Variants in ING5 observed in about 807,000 individuals in gnomAD.
ING5 encodes the protein inhibitor of growth family member 5, also known as inhibitor of growth protein 5.
Under a neutral mutation model 37.4 loss-of-function variants are expected in ING5, and 17 were observed. That is an observed-to-expected ratio of 0.45 (90% CI 0.31 to 0.68). The LOEUF (loss-of-function observed/expected upper bound fraction) is 0.68. ING5 is among the 30% of genes least tolerant of loss of function. The pLI, the probability that ING5 is intolerant of heterozygous loss-of-function variation, is 0.05. For synonymous variants in ING5, 123 were observed against 116.6 expected, an observed-to-expected ratio of 1.06 and a Z score of -0.36; for missense variants, 233 against 311.9, an observed-to-expected ratio of 0.75 and a Z score of 1.91.
intron 2 of ING5, among the ~76,000 whole-genome samples, chr2:241,692,968 A>G (rs2069576349): frequency 6.6e-6 from 1 of 152,074 alleles, no homozygotes; most frequent in Non-Finnish European, 1.5e-5. Flanking sequence ...TTTAACCTTA[A>G]TTAGCTCCTT....
At chr2:241,705,612 T>C (rs566564801) in intron 2 of ING5, among the ~76,000 whole-genome samples, 15 of 151,966 alleles carry the variant, frequency 9.9e-5, no homozygotes, top group African/African-American at 3.4e-4. Flanking sequence ...TTCACCATGT[T>C]AGCCAGGATG....
intron 5 of ING5, chr2:241,720,996 C>T: frequency 1.0e-6 from 1 of 985,790 alleles, no homozygotes; most frequent in Non-Finnish European, 1.2e-6. Context: ...CAAATCTGGC[C>T]AGCGCCCTCG....
Position 241,725,325 on chromosome 2 carries a change from C to T in ING5, c.*294C>T, listed in dbSNP as rs1354615030. 2 of 429,084 alleles carry T rather than the reference C, an allele frequency of 4.7e-6. No homozygotes were observed. Among genetic ancestry groups the T allele is most frequent in the Non-Finnish European group, 8.6e-6 (2 of 232,788 alleles). 26.6% of individuals were successfully genotyped at this position (429,084 alleles called of 1,614,324 possible). A position where few individuals can be genotyped will look rare whatever the true frequency, so the allele number is the denominator to read the frequency against. On this transcript the variant is annotated 3_prime_UTR_variant, in exon 8 of 8. Transcript: ENST00000313552. ...GCGCGCGTGAGCTCGGGCTGCCCGG[C>T]CGGGCGTGCGGGCGGGGACATGGTA...
chr2:241,688,343 T>C (rs919884601), intron 1 of ING5, among the ~76,000 whole-genome samples: 4 of 152,226 alleles, frequency 2.6e-5, no homozygotes, highest in Non-Finnish European at 1.5e-5. Flanking sequence ...ACCAAGAAAT[T>C]GCTGGTAGCT....
chr2:241,701,063 C>T (rs527554746), upstream of ING5, among the ~76,000 whole-genome samples: 1 of 151,642 alleles, frequency 6.6e-6, no homozygotes, highest in South Asian at 2.1e-4. Context: ...CCTCCGCCTC[C>T]CGGGCTCAGC....
intron 1 of ING5, among the ~76,000 whole-genome samples, chr2:241,689,119 AT>A (rs34312835): frequency 0.41 from 60,436 of 146,460 alleles, 12,280 homozygotes; most frequent in Middle Eastern, 0.52. Flanking sequence ...TTTTAATTTA[AT>A]TTTTTTTTTG....
intron 2 of ING5, among the ~76,000 whole-genome samples, chr2:241,694,470 A>G (rs961628649): frequency 2.0e-5 from 3 of 152,090 alleles, no homozygotes; most frequent in African/African-American, 7.2e-5. Context: ...TAAAAGATAT[A>G]AAGGAGAAAA....
chr2:241,690,732 C>T (rs2069538876), intron 2 of ING5: 3 of 397,568 alleles, frequency 7.5e-6, no homozygotes, highest in Non-Finnish European at 1.3e-5. Flanking sequence ...ATGGAGTTGG[C>T]CACAGGCTGA....
In ING5 at chr2:241,721,168, G is replaced by A. The variant is rs1001242264; in HGVS notation, c.483-1771G>A. The A allele has an allele frequency of 1.7e-5, 17 of 985,438 alleles. No homozygotes were observed. The South Asian group carries it at 3.3e-4, about 19-fold the overall frequency. 61.0% of individuals were successfully genotyped at this position (985,438 alleles called of 1,614,324 possible). A position where few individuals can be genotyped will look rare whatever the true frequency, so the allele number is the denominator to read the frequency against. ...GCTCTCCGCGGGTGAGAGGTGACTC[G>A]AGGAGACCGCAGGAGCCCCTTGGAG... is the stretch of plus-strand genomic sequence containing the variant. On this transcript the variant is annotated intron_variant, in intron 5 of 7. Coordinates refer to ENST00000313552, the MANE Select transcript of ING5 (RefSeq NM_032329.6).
chr2:241,725,909 C>A lies in ING5; in HGVS notation c.*878C>A, dbSNP rs986757552. ...CTGCCTGTGCTGTGCATTCCCAGGC[C>A]CGCAGCTCCCGGTCGAGGGGACTCC... On this transcript the variant is annotated 3_prime_UTR_variant, in exon 8 of 8. Transcript: ENST00000313552. 6.6e-6 allele frequency: 1 copy of A among 152,636 alleles called. No individual in the cohort carries two copies. The highest frequency in any genetic ancestry group is 2.1e-4 in the South Asian group (1 of 4,830). The allele number at this position is 152,636 out of a possible 1,614,324, so 9.5% of individuals were successfully genotyped here.
At chr2:241,701,721 G>A (rs2069730398), upstream of ING5, among the ~76,000 whole-genome samples, 1 of 152,158 alleles carries the variant, frequency 6.6e-6, no homozygotes, top group African/African-American at 2.4e-5. Flanking sequence ...CCACGTGTTT[G>A]CGTTTGGTGG....
chr2:241,687,555 T>C (rs1244642879), exon 1 of ING5: 7 of 381,438 alleles, frequency 1.8e-5, no homozygotes, highest in Middle Eastern at 6.6e-4. Flanking sequence ...TGAGACAGAG[T>C]CTCGCTCTGT....
intron 1 of ING5, among the ~76,000 whole-genome samples, chr2:241,704,303 C>T (rs1019196239): frequency 6.6e-6 from 1 of 152,190 alleles, no homozygotes; most frequent in African/African-American, 2.4e-5. Flanking sequence ...CCTGGTGGCT[C>T]ACACCTGTAA....
Position 241,729,063 on chromosome 2 carries a change from G to A in ING5, c.*4032G>A, listed in dbSNP as rs906358029. 1.3e-5 allele frequency: 2 copies of A among 152,308 alleles called. No homozygotes were observed. Among genetic ancestry groups the A allele is most frequent in the African/African-American group, 4.8e-5 (2 of 41,446 alleles). 9.4% of individuals were successfully genotyped at this position (152,308 alleles called of 1,614,324 possible). A position where few individuals can be genotyped will look rare whatever the true frequency, so the allele number is the denominator to read the frequency against. ...CCCTGTCCTAGGTTAGGTCTTCATG[G>A]TTTAGAGTAAAACCGTGAGGGATGT... is the stretch of plus-strand genomic sequence containing the variant. On this transcript the variant is annotated 3_prime_UTR_variant, in exon 8 of 8. Transcript: ENST00000313552.
intron 2 of ING5, among the ~76,000 whole-genome samples, chr2:241,692,006 C>T (rs1244077126): frequency 6.6e-6 from 1 of 152,092 alleles, no homozygotes; most frequent in Non-Finnish European, 1.5e-5. Flanking sequence ...CATGGTTGCG[C>T]CACTGCACTC....
At position 241,729,194 on chromosome 2, in the gene ING5, A is replaced by G. The variant is rs541298176; in HGVS notation, c.*4163A>G. 2.2e-4 allele frequency: 34 copies of G among 152,776 alleles called. No homozygotes were observed. Among genetic ancestry groups the G allele is most frequent in the African/African-American group, 7.5e-4 (31 of 41,572 alleles). 9.5% of individuals were successfully genotyped at this position (152,776 alleles called of 1,614,324 possible). On this transcript the variant is annotated 3_prime_UTR_variant, in exon 8 of 8. Transcript: ENST00000313552. Reference sequence around the variant, plus strand: ...AATTTTAAGCCAGGGGAAGTGTAAGAAAATGTTCCCATTCAGGAGAGATTG... The same window carrying G: ...AATTTTAAGCCAGGGGAAGTGTAAGGAAATGTTCCCATTCAGGAGAGATTG...
At chr2:241,699,747 G>A (rs1314038741), upstream of ING5, among the ~76,000 whole-genome samples, 2 of 152,026 alleles carry the variant, frequency 1.3e-5, no homozygotes, top group African/African-American at 4.8e-5. Flanking sequence ...CTTGGGGCTC[G>A]GGGAGCCTTT....
upstream of ING5, among the ~76,000 whole-genome samples, chr2:241,700,174 T>TTG (rs1491417680): frequency 8.9e-5 from 12 of 134,766 alleles, no homozygotes; most frequent in African/African-American, 2.7e-4. Context: ...TTTTTTTTTT[T>TTG]GGGACGGAGT....
Position 241,724,009 on chromosome 2 carries a change from CAAAT to C in ING5, c.680+750_680+753del, listed in dbSNP as rs1235097792. The C allele has an allele frequency of 5.6e-5, 76 of 1,359,052 alleles. No individual in the cohort carries two copies. In the Middle Eastern group the frequency reaches 8.1e-4, roughly 15 times the overall value. 84.2% of individuals were successfully genotyped at this position (1,359,052 alleles called of 1,614,324 possible). ...TGGGCGAGAGAGCAAGACCCTGTCTCAAATAAATAAATAAAAAGATAAAAACCTG... is the reference window on the plus strand; with the variant it reads ...TGGGCGAGAGAGCAAGACCCTGTCTCAAATAAATAAAAAGATAAAAACCTG... On this transcript the variant is annotated intron_variant, in intron 7 of 7. Coordinates refer to ENST00000313552, the MANE Select transcript of ING5 (RefSeq NM_032329.6).
Sources: allele counts gnomAD v4.1 joint callset (sites outside exome capture counted in the v4.1 genomes callset), GRCh38; gene constraint gnomAD v4.1.1; transcripts MANE v1.5; gene names NCBI Gene and HGNC (gene_info 2026-07-23, HGNC 2026-07-21).